The following ENDOD1 variants were observed in gnomAD, a reference collection of about 807,000 sequenced individuals.
ENDOD1 encodes endonuclease domain containing 1.
In ENDOD1, 9 loss-of-function variants were observed where a neutral mutation model predicts 6.5. The observed-to-expected ratio is 1.39, with a 90% confidence interval of 0.84 to 2.43. The LOEUF (loss-of-function observed/expected upper bound fraction) is 2.43. Among genes scored for constraint, ENDOD1 ranks in the 30% most tolerant of loss-of-function variants. The pLI, the probability that ENDOD1 is intolerant of heterozygous loss-of-function variation, is 0.00. For synonymous variants in ENDOD1, 255 were observed against 255.2 expected (o/e 1.00, Z 0.01); for missense variants, 648 against 635.5 (o/e 1.02, Z -0.21).
chr11:95,110,349 T>G (rs1381065453), intron 1 of ENDOD1, among the ~76,000 whole-genome samples: 1 of 152,148 alleles, frequency 6.6e-6, no homozygotes, highest in Non-Finnish European at 1.5e-5. Flanking sequence ...CTTCCATTGA[T>G]CCCATCATGG....
chr11:95,112,498 G>A (rs905401066), intron 1 of ENDOD1, among the ~76,000 whole-genome samples: 1 of 152,222 alleles, frequency 6.6e-6, no homozygotes, highest in Non-Finnish European at 1.5e-5. Context: ...TAAATGGGAT[G>A]CAACAATGTT....
chr11:95,100,039 C>G (rs1859023078), intron 1 of ENDOD1, among the ~76,000 whole-genome samples: 1 of 152,172 alleles, frequency 6.6e-6, no homozygotes, highest in Non-Finnish European at 1.5e-5. Flanking sequence ...AACTTTTATT[C>G]TCATTCTTGG....
chr11:95,090,718 A>G (rs1391036464), intron 1 of ENDOD1, among the ~76,000 whole-genome samples: 2 of 152,138 alleles, frequency 1.3e-5, no homozygotes, highest in African/African-American at 4.8e-5. Flanking sequence ...GGGTGAAGAG[A>G]CATATGGAAG....
chr11:95,106,081 A>C (rs1170544533), intron 1 of ENDOD1, among the ~76,000 whole-genome samples: 1 of 152,220 alleles, frequency 6.6e-6, no homozygotes, highest in Non-Finnish European at 1.5e-5. Flanking sequence ...CTCCAGTCAG[A>C]AGCCAGAGGG....
At chr11:95,123,814 C>T (rs1194505921) in intron 1 of ENDOD1, among the ~76,000 whole-genome samples, 2 of 152,082 alleles carry the variant, frequency 1.3e-5, no homozygotes, top group African/African-American at 4.8e-5. Flanking sequence ...GTGGTGGTTC[C>T]ATATTTGCTC....
At position 95,093,066 on chromosome 11, in the gene ENDOD1, C is replaced by T. The variant is rs1424355587; in HGVS notation, c.300+2839C>T. The stretch of plus-strand genomic sequence containing the variant: ...CTTTTGAGTCCACACTGCAGTTTCC[C>T]TTTGAAAAGAATCTCCTAAGTCAAA... On this transcript the variant is annotated intron_variant, in intron 1 of 1. Coordinates refer to ENST00000278505, the MANE Select transcript of ENDOD1 (RefSeq NM_015036.3). Among the ~76,000 whole-genome samples, 14 of 152,284 alleles carry T rather than the reference C, an allele frequency of 9.2e-5. No homozygotes were observed. The East Asian group carries it at 2.7e-3, about 29-fold the overall frequency.
At chr11:95,090,502 C>A (rs782614321) in intron 1 of ENDOD1, among the ~76,000 whole-genome samples, 7 of 152,222 alleles carry the variant, frequency 4.6e-5, no homozygotes, top group Admixed American at 1.3e-4. Flanking sequence ...GGAGGTTCTC[C>A]CTGCATTTCT....
intron 1 of ENDOD1, among the ~76,000 whole-genome samples, chr11:95,105,255 A>G (rs1555111318): frequency 6.6e-6 from 1 of 152,164 alleles, no homozygotes; most frequent in East Asian, 1.9e-4. Context: ...CTCCCTGTGG[A>G]TACCAAAATC....
intron 1 of ENDOD1, among the ~76,000 whole-genome samples, chr11:95,092,385 G>A (rs978363816): frequency 6.6e-6 from 1 of 152,144 alleles, no homozygotes; most frequent in African/African-American, 2.4e-5. Flanking sequence ...AGTCGTAAAG[G>A]AGCATAGTTT....
In ENDOD1 at chr11:95,132,059, A is replaced by G. The variant is rs570360753; in HGVS notation, c.*2480A>G. 7 of 152,820 alleles carry G rather than the reference A, an allele frequency of 4.6e-5. No homozygotes were observed. In the South Asian group the frequency reaches 1.0e-3, roughly 23 times the overall value. 9.5% of individuals were successfully genotyped at this position (152,820 alleles called of 1,614,324 possible). A position where few individuals can be genotyped will look rare whatever the true frequency, so the allele number is the denominator to read the frequency against. On this transcript the variant is annotated 3_prime_UTR_variant, in exon 2 of 2. Coordinates refer to ENST00000278505, the MANE Select transcript of ENDOD1 (RefSeq NM_015036.3). ...ACTGCTGGCCTGTTCCTAATGAGCT[A>G]CGCTGGGCTTTGAGGTAGAGGTTGG...
intron 1 of ENDOD1, among the ~76,000 whole-genome samples, chr11:95,118,987 C>G (rs1591018299): frequency 1.3e-5 from 2 of 152,328 alleles, no homozygotes; most frequent in South Asian, 4.1e-4. Context: ...TTGCATTTTT[C>G]AGCTCCAGAA....
chr11:95,128,718 A>C lies in ENDOD1; in HGVS notation c.642A>C (p.Ala214=). The C allele has an allele frequency of 3.1e-6, 5 of 1,614,218 alleles. No homozygotes were observed. The highest frequency in any genetic ancestry group is 4.2e-6 in the Non-Finnish European group (5 of 1,180,044). ...PSDYRVKDKV[A]VPEFVWLAAC... is the part of the protein sequence containing the mutation. ...ACTACAGAGTTAAAGACAAAGTGGCAGTCCCTGAGTTTGTTTGGCTGGCAG... is the reference window on the plus strand; with the variant it reads ...ACTACAGAGTTAAAGACAAAGTGGCCGTCCCTGAGTTTGTTTGGCTGGCAG... Residue 214 remains alanine (A), a synonymous_variant, in exon 2 of 2, where the codon GCA becomes GCC. Coordinates refer to ENST00000278505, the MANE Select transcript of ENDOD1 (RefSeq NM_015036.3).
At chr11:95,122,887 T>C (rs1351144419) in intron 1 of ENDOD1, among the ~76,000 whole-genome samples, 1 of 152,140 alleles carries the variant, frequency 6.6e-6, no homozygotes, top group Admixed American at 6.6e-5. Flanking sequence ...TCAGTTAGTA[T>C]GGTATTAAAA....
chr11:95,106,827 C>T (rs551272702), intron 1 of ENDOD1, among the ~76,000 whole-genome samples: 1 of 152,108 alleles, frequency 6.6e-6, no homozygotes, highest in African/African-American at 2.4e-5. Flanking sequence ...GACACCCCCC[C>T]CTTTCCCCCG....
At chr11:95,125,628 G>A (rs200862643) in intron 1 of ENDOD1, among the ~76,000 whole-genome samples, 1 of 131,686 alleles carries the variant, frequency 7.6e-6, no homozygotes, top group East Asian at 2.2e-4. Context: ...GGTGCGTGAT[G>A]TTCCCCTTCC....
chr11:95,123,664 C>CAA (rs1859284642), intron 1 of ENDOD1, among the ~76,000 whole-genome samples: 2 of 149,766 alleles, frequency 1.3e-5, no homozygotes, highest in Admixed American at 6.6e-5. Flanking sequence ...TGAAAGGAAA[C>CAA]AAGGCTTGCT....
intron 1 of ENDOD1, among the ~76,000 whole-genome samples, chr11:95,114,109 A>T (rs1859177871): frequency 6.6e-6 from 1 of 152,044 alleles, no homozygotes; most frequent in Non-Finnish European, 1.5e-5. Context: ...CTCATTTTTT[A>T]TGTTTCATTG....
chr11:95,108,017 T>A (rs1448379324), intron 1 of ENDOD1, among the ~76,000 whole-genome samples: 1 of 152,220 alleles, frequency 6.6e-6, no homozygotes, highest in Non-Finnish European at 1.5e-5. Flanking sequence ...AACTCCTCGC[T>A]GTGTGTGATG....
rs546102920 is a variant in ENDOD1 at position 95,129,771 on chromosome 11, G to T, written c.*192G>T. On this transcript the variant is annotated 3_prime_UTR_variant, in exon 2 of 2. Coordinates refer to ENST00000278505, the MANE Select transcript of ENDOD1 (RefSeq NM_015036.3). ...AGAAATGCTCAGGGTGAGATTAGGT[G>T]TAGTAATCTGCTGTTTACCTCCAGT... The T allele has an allele frequency of 4.9e-6, 3 of 608,324 alleles. No individual in the cohort carries two copies. Among genetic ancestry groups the T allele is most frequent in the East Asian group, 2.9e-5 (1 of 34,882 alleles). The allele number at this position is 608,324 out of a possible 1,614,324, so 37.7% of individuals were successfully genotyped here.
Sources: allele counts gnomAD v4.1 joint callset (sites outside exome capture counted in the v4.1 genomes callset), GRCh38; gene constraint gnomAD v4.1.1; transcripts MANE v1.5; gene names NCBI Gene and HGNC (gene_info 2026-07-23, HGNC 2026-07-21).